Variants in USP25 observed in about 807,000 individuals in gnomAD.
The protein encoded by USP25 is ubiquitin carboxyl-terminal hydrolase 25.
In USP25, 85 loss-of-function variants were observed where a neutral mutation model predicts 158.5. The ratio of observed to expected loss-of-function variants is 0.54; its 90% CI spans 0.45 to 0.64. The LOEUF (loss-of-function observed/expected upper bound fraction) is 0.64, where lower values mean the gene tolerates loss of function less well. USP25 is among the 30% of genes least tolerant of loss of function. USP25 has a pLI of 0.00. For synonymous variants in USP25, 464 were observed against 460.4 expected (o/e 1.01, Z -0.10); for missense variants, 1,242 against 1,327.3 (o/e 0.94, Z 1.00).
At chr21:15,746,652 T>A (rs1055757733) in intron 1 of USP25, among the ~76,000 whole-genome samples, 1 of 152,282 alleles carries the variant, frequency 6.6e-6, no homozygotes, top group African/African-American at 2.4e-5. Flanking sequence ...AGCCTCGGCC[T>A]CCCAAAGTGC....
At chr21:15,732,341 C>T (rs552487273) in intron 1 of USP25, among the ~76,000 whole-genome samples, 3 of 152,064 alleles carry the variant, frequency 2.0e-5, no homozygotes, top group South Asian at 2.1e-4. Context: ...GTTTGCTTTC[C>T]GTATTAATAC....
chr21:15,798,272 A>C (rs1483813472), intron 5 of USP25, among the ~76,000 whole-genome samples: 2 of 151,262 alleles, frequency 1.3e-5, no homozygotes, highest in Non-Finnish European at 3.0e-5. Context: ...GTACAGCAGA[A>C]TCTTTTGTGG....
intron 20 of USP25, among the ~76,000 whole-genome samples, chr21:15,855,422 T>C (rs1387062493): frequency 2.6e-5 from 4 of 152,340 alleles, no homozygotes. Context: ...TTTTGAGTGA[T>C]ACTTTCCTTA....
chr21:15,853,595 A>G lies in USP25; in HGVS notation c.2547+3723A>G, dbSNP rs186323165. The stretch of plus-strand genomic sequence containing the variant: ...TACCCAAAGTTATATAAATTTTCCC[A>G]CTACTTACTTAAAATACTTTTCTTA... On this transcript the variant is annotated intron_variant, in intron 20 of 25. Coordinates refer to ENST00000400183, the MANE Select transcript of USP25 (RefSeq NM_001283041.3). 3.3e-5 allele frequency among the ~76,000 whole-genome samples: 5 copies of G among 152,246 alleles called. No individual in the cohort carries two copies. In the East Asian group the frequency reaches 9.6e-4, roughly 29 times the overall value.
At chr21:15,853,421 C>T (rs1601134307) in intron 20 of USP25, among the ~76,000 whole-genome samples, 1 of 152,116 alleles carries the variant, frequency 6.6e-6, no homozygotes, top group Non-Finnish European at 1.5e-5. Flanking sequence ...GTATCTTACC[C>T]TCTTTATGGA....
At chr21:15,757,866 A>C (rs1175755690) in intron 1 of USP25, among the ~76,000 whole-genome samples, 3 of 152,244 alleles carry the variant, frequency 2.0e-5, no homozygotes, top group African/African-American at 2.4e-5. Flanking sequence ...GGAGGCTAGC[A>C]TAGGCAGTGT....
chr21:15,754,001 C>T (rs978435583), intron 1 of USP25, among the ~76,000 whole-genome samples: 1 of 152,120 alleles, frequency 6.6e-6, no homozygotes, highest in African/African-American at 2.4e-5. Flanking sequence ...TAAAAAGTCA[C>T]TCAAGTAATA....
intron 20 of USP25, among the ~76,000 whole-genome samples, chr21:15,859,139 ATATC>A (rs2039297035): frequency 6.7e-6 from 1 of 148,470 alleles, no homozygotes; most frequent in African/African-American, 2.4e-5. Flanking sequence ...TATATATAAT[ATATC>A]TATATTATAT....
chr21:15,872,174 G>A (rs1665625750), intron 23 of USP25, among the ~76,000 whole-genome samples: 1 of 151,916 alleles, frequency 6.6e-6, no homozygotes, highest in Admixed American at 6.6e-5. Context: ...GGACCCTTGT[G>A]AGTCCTGAGA....
intron 1 of USP25, among the ~76,000 whole-genome samples, chr21:15,745,473 C>CTTTTTTTTTTTTTTTTTTT (rs11284817): frequency 1.8e-5 from 2 of 112,988 alleles, no homozygotes; most frequent in Non-Finnish European, 3.5e-5. Context: ...TTTTTCTTTT[C>CTTTTTTTTTTTTTTTTTTT]TTTTTTTTTT....
intron 18 of USP25, among the ~76,000 whole-genome samples, chr21:15,847,258 G>T (rs975368434): frequency 6.6e-6 from 1 of 152,102 alleles, no homozygotes; most frequent in Admixed American, 6.6e-5. Context: ...AAAATTGTCA[G>T]CTATACAGAC....
chr21:15,754,450 G>GTGCCTAGCAGTGCTTT (rs1174083577), intron 1 of USP25, among the ~76,000 whole-genome samples: 64 of 152,314 alleles, frequency 4.2e-4, no homozygotes, highest in African/African-American at 1.4e-3. Flanking sequence ...TTAACATTTG[G>GTGCCTAGCAGTGCTTT]TGCCTAGCAG....
At chr21:15,750,385 G>A (rs190082566) in intron 1 of USP25, among the ~76,000 whole-genome samples, 11 of 150,962 alleles carry the variant, frequency 7.3e-5, no homozygotes, top group Admixed American at 2.0e-4. Context: ...GCATGCCACC[G>A]CGCCTGGCTA....
Position 15,766,055 on chromosome 21 carries a change from C to A in USP25, c.182C>A (p.Thr61Asn), listed in dbSNP as rs2034021273. ...TTCCTTACTGCGAAGAATGCTAAGACCCCTCAGCAGGAGGAGACAACTTAC... is the reference window on the plus strand; with the variant it reads ...TTCCTTACTGCGAAGAATGCTAAGAACCCTCAGCAGGAGGAGACAACTTAC... ...VAFLTAKNAK[T>N]PQQEETTYYQ... Residue 61 changes from threonine to asparagine, a missense_variant, in exon 3 of 26, where the codon ACC (threonine) becomes AAC (asparagine). Around this residue, in one of 3 missense-constraint regions of USP25, gnomAD observed 627 missense variants for 701.4 expected, o/e 0.89. Coordinates refer to ENST00000400183, the MANE Select transcript of USP25 (RefSeq NM_001283041.3). The surrounding 1 kb of genome is among the most constrained non-coding windows in gnomAD (Gnocchi z 4.0). 1.2e-6 allele frequency: 2 copies of A among 1,610,752 alleles called. No individual in the cohort carries two copies.
At chr21:15,800,019 C>T (rs998131737) in intron 6 of USP25, among the ~76,000 whole-genome samples, 176 bp downstream of exon 6, 1 of 151,074 alleles carries the variant, frequency 6.6e-6, no homozygotes, top group Non-Finnish European at 1.5e-5. Context: ...ATTATAAATA[C>T]GACTTTTTTC....
At position 15,879,064 on chromosome 21, in the gene USP25, A is replaced by T. The variant is rs777381835; in HGVS notation, c.*589A>T. ...AAATTGGAAAATGTTTAAGTCTTTG[A>T]CACTTAAATTTATCTATATTTTTAA... is the stretch of plus-strand genomic sequence containing the variant. On this transcript the variant is annotated 3_prime_UTR_variant, in exon 26 of 26. Coordinates refer to ENST00000400183, the MANE Select transcript of USP25 (RefSeq NM_001283041.3). 1 of 152,544 alleles carries T rather than the reference A, an allele frequency of 6.6e-6. No homozygotes were observed. Among genetic ancestry groups the T allele is most frequent in the East Asian group, 1.9e-4 (1 of 5,192 alleles). 9.4% of individuals were successfully genotyped at this position (152,544 alleles called of 1,614,324 possible). A position where few individuals can be genotyped will look rare whatever the true frequency, so the allele number is the denominator to read the frequency against.
At chr21:15,763,012 A>G in intron 2 of USP25, 44 bp downstream of exon 2, 1 of 1,533,290 alleles carries the variant, frequency 6.5e-7, no homozygotes, top group Non-Finnish European at 8.8e-7. Context: ...GTATATGCTC[A>G]TCTCTAGTGC....
At chr21:15,820,800 T>C (rs2037192885) in intron 10 of USP25, among the ~76,000 whole-genome samples, 1 of 151,960 alleles carries the variant, frequency 6.6e-6, no homozygotes, top group South Asian at 2.1e-4. Flanking sequence ...TTGTTGATTT[T>C]ATTTTGGCCC....
rs763270750 is a variant in USP25 at position 15,805,179 on chromosome 21, G to A, written c.701G>A (p.Gly234Asp). Residue 234 changes from glycine (G) to aspartate (D), a missense_variant, in exon 7 of 26, where the codon GGT becomes GAT. By Grantham distance (94) the Gly-to-Asp change is moderately conservative (BLOSUM62 -1). Coordinates refer to ENST00000400183, the MANE Select transcript of USP25 (RefSeq NM_001283041.3). ...AGGTATCTATTTGCACTTCTTGTTG[G>A]TACCAAAAGGAAGTATGTTGATCCA... ...ELRYLFALLV[G>D]TKRKYVDPSR... 5.0e-6 allele frequency: 8 copies of A among 1,609,098 alleles called. No individual in the cohort carries two copies. The highest frequency in any genetic ancestry group is 1.7e-5 in the Admixed American group (1 of 59,120).
Sources: gnomAD v4.1 joint callset for allele counts (sites outside exome capture counted in the v4.1 genomes callset) on GRCh38, gnomAD v4.1.1 for gene constraint, gnomAD v4.1.1 regional missense constraint, Gnocchi (gnomAD v3.1) non-coding constraint, MANE v1.5 for transcripts, NCBI Gene and HGNC (gene_info 2026-07-23, HGNC 2026-07-21) for gene names.